Variants in ITPKB observed in about 807,000 individuals in gnomAD.
ITPKB encodes the protein inositol-trisphosphate 3-kinase B.
A neutral mutation model predicts 69.4 loss-of-function variants in ITPKB; 13 were observed. The observed-to-expected ratio is 0.19, with a 90% CI of 0.12 to 0.30. ITPKB has a LOEUF of 0.30. Among genes scored for constraint, ITPKB ranks in the 10% least tolerant of loss-of-function variants. ITPKB has a pLI of 1.00. For missense variants in ITPKB, 1,240 were observed against 1,250.5 expected (o/e 0.99, Z 0.13); for synonymous variants, 584 against 513.7 (o/e 1.14, Z -1.85).
intron 4 of ITPKB, 97 bp downstream of exon 4, chr1:226,647,067 GCAC>G (rs956335148): frequency 2.0e-6 from 2 of 1,001,700 alleles, no homozygotes; most frequent in Non-Finnish European, 3.1e-6. Flanking sequence ...GCCTGCCCTT[GCAC>G]CTGTGAGGCC....
chr1:226,731,775 G>C (rs1218595853), intron 2 of ITPKB, among the ~76,000 whole-genome samples: 1 of 152,102 alleles, frequency 6.6e-6, no homozygotes, highest in Admixed American at 6.5e-5. Context: ...GCCCTTGCCA[G>C]AAAGATCCTC....
In ITPKB at chr1:226,634,606, A is replaced by G; in HGVS notation, c.*65T>C. The G allele has an allele frequency of 1.4e-6, 1 of 714,150 alleles. No homozygotes were observed. The highest frequency in any genetic ancestry group is 2.5e-5 in the East Asian group (1 of 39,338). 44.2% of individuals were successfully genotyped at this position (714,150 alleles called of 1,614,324 possible). ...GGTGTAAGTGAAGGAAAAGTTAGGA[A>G]CGAGAAAGGAAGCACAGGAGGAGGA... On this transcript the variant is annotated 3_prime_UTR_variant, in exon 8 of 8. Transcript: ENST00000429204. This position sits in a 1 kb window ranked among gnomAD's most constrained non-coding sequence, Gnocchi z 6.3.
intron 2 of ITPKB, among the ~76,000 whole-genome samples, chr1:226,689,178 G>C (rs753933956): frequency 6.6e-6 from 1 of 152,184 alleles, no homozygotes; most frequent in Non-Finnish European, 1.5e-5. Context: ...CACAGACAAA[G>C]GGGCAATGAC....
intron 2 of ITPKB, among the ~76,000 whole-genome samples, chr1:226,671,517 A>T (rs144378577): frequency 2.2e-4 from 33 of 152,364 alleles, no homozygotes; most frequent in African/African-American, 7.9e-4. Context: ...TTTAGCAGTG[A>T]ACACAACGAA....
In ITPKB at chr1:226,736,245, G is replaced by A. The variant is rs778155846; in HGVS notation, c.1214C>T (p.Ser405Phe). 10 of 1,552,516 alleles carry A rather than the reference G, an allele frequency of 6.4e-6. No homozygotes were observed. The East Asian group carries it at 1.3e-4, about 21-fold the overall frequency. Residue 405 changes from serine to phenylalanine, a missense_variant, in exon 2 of 8, where the codon TCC (serine) becomes TTC (phenylalanine). This residue lies in a region of ITPKB where 992 missense variants were observed against 853.8 expected (regional missense o/e 1.16). Transcript: ENST00000429204. ...CCTGGACCAGCTCAGGGAATCAGAG[G>A]ACTCTGCGCTTTGCACGCTCACAGT... ...ETTVSVQSAE[S>F]SDSLSWSRLP...
intron 2 of ITPKB, among the ~76,000 whole-genome samples, chr1:226,714,074 A>G (rs1402353783): frequency 6.6e-6 from 1 of 152,212 alleles, no homozygotes; most frequent in Non-Finnish European, 1.5e-5. Context: ...CATTTCAGGT[A>G]TGAGCCTCTG....
At chr1:226,690,349 G>C (rs1423663833) in intron 2 of ITPKB, among the ~76,000 whole-genome samples, 2 of 152,166 alleles carry the variant, frequency 1.3e-5, no homozygotes, top group Non-Finnish European at 2.9e-5. Context: ...AATCCTCTTA[G>C]ATGTAGACAA....
chr1:226,645,414 G>A (rs1417710674), intron 4 of ITPKB, among the ~76,000 whole-genome samples: 4 of 152,222 alleles, frequency 2.6e-5, no homozygotes, highest in Admixed American at 1.3e-4. Flanking sequence ...CTGGGTGGGG[G>A]CAGCCCTGGG....
intron 2 of ITPKB, among the ~76,000 whole-genome samples, chr1:226,695,599 G>A (rs1023266483): frequency 2.6e-5 from 4 of 152,106 alleles, no homozygotes; most frequent in African/African-American, 7.2e-5. Context: ...ATTGAACCCC[G>A]CCATCCTCTC....
chr1:226,640,872 G>C (rs906008371), intron 5 of ITPKB, among the ~76,000 whole-genome samples: 3 of 152,166 alleles, frequency 2.0e-5, no homozygotes, highest in African/African-American at 7.2e-5. Flanking sequence ...CGTGGGCAGC[G>C]AGCCATTGAC....
chr1:226,683,897 AG>A (rs895895017), intron 2 of ITPKB, among the ~76,000 whole-genome samples: 17 of 152,116 alleles, frequency 1.1e-4, no homozygotes, highest in Non-Finnish European at 2.4e-4. Flanking sequence ...AGGTACCACA[AG>A]GTACCTTCAT....
chr1:226,702,685 G>C (rs1656697870), intron 2 of ITPKB, among the ~76,000 whole-genome samples: 1 of 152,206 alleles, frequency 6.6e-6, no homozygotes, highest in African/African-American at 2.4e-5. Flanking sequence ...AGATGGTAAT[G>C]AAGACCCATT....
chr1:226,687,796 G>A (rs1277377472), intron 2 of ITPKB, among the ~76,000 whole-genome samples: 2 of 152,192 alleles, frequency 1.3e-5, no homozygotes, highest in African/African-American at 4.8e-5. Context: ...TCATTGTCCA[G>A]GGGCCTTTTG....
At chr1:226,712,553 A>G (rs2102638190) in intron 2 of ITPKB, among the ~76,000 whole-genome samples, 1 of 152,282 alleles carries the variant, frequency 6.6e-6, no homozygotes, top group Non-Finnish European at 1.5e-5. Flanking sequence ...CCGGGAAACA[A>G]AGACGTTGAA....
rs1558298707 is a variant in ITPKB at position 226,637,750 on chromosome 1, T to C, written c.2554A>G (p.Ile852Val). ...GCCTTCAGCCGGTCCCGATAGGCGA[T>C]CTGGGAATAGAAAGAGGACCAGATT... ...EFTKGNHNIL[I>V]AYRDRLKAIR... The change falls in exon 7 of 8, where the codon ATC becomes GTC. Residue 852 changes from isoleucine (I) to valine (V), a missense_variant and splice_region_variant. Ile to Val is a conservative substitution (Grantham distance 29). Transcript: ENST00000429204. The surrounding 1 kb of genome is among the most constrained non-coding windows in gnomAD (Gnocchi z 4.3). 6.2e-7 allele frequency: 1 copy of C among 1,613,110 alleles called. No homozygotes were observed. Among genetic ancestry groups the C allele is most frequent in the South Asian group, 1.1e-5 (1 of 90,920 alleles).
intron 2 of ITPKB, among the ~76,000 whole-genome samples, chr1:226,718,180 G>C (rs546320912): frequency 1.6e-4 from 24 of 151,756 alleles, no homozygotes; most frequent in Admixed American, 9.2e-4. Context: ...TGTAGTCCCA[G>C]CTACTTGGGA....
At chr1:226,661,286 T>C (rs980834466) in intron 2 of ITPKB, among the ~76,000 whole-genome samples, 2 of 152,274 alleles carry the variant, frequency 1.3e-5, no homozygotes, top group Middle Eastern at 3.4e-3. Flanking sequence ...GTTCAAGAAA[T>C]AGCTCGTGTG....
At chr1:226,725,811 C>A (rs536076161) in intron 2 of ITPKB, among the ~76,000 whole-genome samples, 6 of 152,200 alleles carry the variant, frequency 3.9e-5, no homozygotes, top group African/African-American at 1.4e-4. Flanking sequence ...GACGATGCTG[C>A]GGCTGAAGTG....
At chr1:226,651,399 C>T (rs567835315) in intron 2 of ITPKB, among the ~76,000 whole-genome samples, 1 of 152,318 alleles carries the variant, frequency 6.6e-6, no homozygotes, top group South Asian at 2.1e-4. Flanking sequence ...CACATAGATT[C>T]CCATTCTCCC....
Sources: allele counts gnomAD v4.1 joint callset (sites outside exome capture counted in the v4.1 genomes callset), GRCh38; gene constraint gnomAD v4.1.1; regional missense constraint gnomAD v4.1.1; non-coding constraint Gnocchi (gnomAD v3.1); transcripts MANE v1.5; gene names NCBI Gene and HGNC (gene_info 2026-07-23, HGNC 2026-07-21).